EIF3F: variants seen among roughly 807,000 people sequenced by gnomAD.
EIF3F encodes the protein deubiquitinating enzyme eIF3f.
In EIF3F, 8 loss-of-function variants were observed where a neutral mutation model predicts 36.0. The observed-to-expected ratio is 0.22, with a 90% CI of 0.13 to 0.40. The LOEUF (loss-of-function observed/expected upper bound fraction) is 0.40, where lower values mean the gene tolerates loss of function less well. Ranked by LOEUF, EIF3F falls within the 10% of genes least tolerant of loss-of-function variation. The probability of loss-of-function intolerance (pLI) is 1.00; values close to 1 mark genes in which losing one functional copy is unlikely to be tolerated. For synonymous variants in EIF3F, 184 were observed against 188.5 expected, an observed-to-expected ratio of 0.98 and a Z score of 0.19; for missense variants, 430 against 467.6, an observed-to-expected ratio of 0.92 and a Z score of 0.74.
At chr11:7,994,169 C>T (rs569113336) in intron 4 of EIF3F, among the ~76,000 whole-genome samples, 66 of 152,230 alleles carry the variant, frequency 4.3e-4, no homozygotes, top group African/African-American at 1.6e-3. Flanking sequence ...GACACTGCAC[C>T]GTGTGTGAAG....
chr11:7,989,818 C>G (rs1458224998), intron 1 of EIF3F, among the ~76,000 whole-genome samples: 1 of 152,216 alleles, frequency 6.6e-6, no homozygotes, highest in East Asian at 1.9e-4. Context: ...GGTAAATCCA[C>G]TGTCTGAAAC....
chr11:7,987,401 C>A lies in EIF3F; in HGVS notation c.49C>A (p.Pro17Thr), dbSNP rs750034387. 1.2e-6 allele frequency: 2 copies of A among 1,600,628 alleles called. No individual in the cohort carries two copies. The highest frequency in any genetic ancestry group is 2.2e-5 in the East Asian group (1 of 44,810). ...AAGTGCTCCTCCGGCCACGCCAACC[C>A]CAGTCCCGGCGGCGGCCCCAGCCTC... is the stretch of plus-strand genomic sequence containing the variant. ...PVSAPPATPTPVPAAAPASVP... is the reference protein window; with the variant it reads ...PVSAPPATPTTVPAAAPASVP... Residue 17 changes from proline to threonine, a missense_variant, in exon 1 of 8, where the codon CCA (proline) becomes ACA (threonine). Around this residue, in one of 2 missense-constraint regions of EIF3F, gnomAD observed 168 missense variants for 120.2 expected, o/e 1.40. Coordinates refer to ENST00000651655, the MANE Select transcript of EIF3F (RefSeq NM_003754.3).
At position 7,998,445 on chromosome 11, in the gene EIF3F, A is replaced by C. The variant is rs1942186765; in HGVS notation, c.*2423A>C. The C allele has an allele frequency of 6.6e-6, 1 of 152,368 alleles. No individual in the cohort carries two copies. The highest frequency in any genetic ancestry group is 1.9e-4 in the East Asian group (1 of 5,188). 9.4% of individuals were successfully genotyped at this position (152,368 alleles called of 1,614,324 possible). On this transcript the variant is annotated 3_prime_UTR_variant, in exon 8 of 8. Transcript: ENST00000651655. ...GGGGTCACTTTAAGCAGCAAAATCC[A>C]CAAAAATGCAAAAGACATGGCACTA...
chr11:7,995,626 A>G lies in EIF3F; in HGVS notation c.996+259A>G. ...GACTTACTGTCTAAATTCGTGATGG[A>G]AAGAAACACTAAAATTCAGAGGTTA... On this transcript the variant is annotated intron_variant, in intron 7 of 7. Transcript: ENST00000651655. The G allele has an allele frequency of 6.9e-6, 4 of 583,400 alleles. 1 individual carries two copies. In the South Asian group the frequency reaches 8.4e-5, roughly 12 times the overall value. 36.1% of individuals were successfully genotyped at this position (583,400 alleles called of 1,614,324 possible). A position where few individuals can be genotyped will look rare whatever the true frequency, so the allele number is the denominator to read the frequency against.
In EIF3F at chr11:7,999,687, G is replaced by A. The variant is rs1460096051; in HGVS notation, c.*3665G>A. On this transcript the variant is annotated 3_prime_UTR_variant, in exon 8 of 8. Coordinates refer to ENST00000651655, the MANE Select transcript of EIF3F (RefSeq NM_003754.3). ...AAAATGCAAGCGTTGGTGAGGGTAT[G>A]GAGAAAAGGGAACCCTTTTACACTT... 1.3e-5 allele frequency: 2 copies of A among 152,188 alleles called. No homozygotes were observed. Among genetic ancestry groups the A allele is most frequent in the Admixed American group, 1.3e-4 (2 of 15,282 alleles). 9.4% of individuals were successfully genotyped at this position (152,188 alleles called of 1,614,324 possible).
chr11:7,987,853 T>G, intron 1 of EIF3F, 137 bp downstream of exon 1: 1 of 1,259,502 alleles, frequency 7.9e-7, no homozygotes, highest in Non-Finnish European at 1.0e-6. Context: ...TTAATCTATA[T>G]CTGCATCCTA....
At position 7,990,559 on chromosome 11, in the gene EIF3F, G is replaced by A. The variant is rs569833788; in HGVS notation, c.365-1222G>A. The stretch of plus-strand genomic sequence containing the variant: ...CAGGAAGAAGTAGCCAACAAGATTA[G>A]AAAGGTAGGAAGAAAACTAGAAGGA... On this transcript the variant is annotated intron_variant, in intron 1 of 7. Transcript: ENST00000651655. 6.6e-5 allele frequency among the ~76,000 whole-genome samples: 10 copies of A among 152,322 alleles called. No individual in the cohort carries two copies. In the South Asian group the frequency reaches 1.7e-3, roughly 25 times the overall value.
At chr11:7,993,048 G>GGGCATAAAACCATGCCCAGATGCCATCC (rs1942115490) in intron 4 of EIF3F, 24 bp downstream of exon 4, 1 of 1,557,970 alleles carries the variant, frequency 6.4e-7, no homozygotes, top group African/African-American at 1.4e-5. Flanking sequence ...TGGGCTACAA[G>GGGCATAAAACCATGCCCAGATGCCATCC]GGCATAAAAC....
rs935276610 is a variant in EIF3F, at chr11:7,998,746, CAAT to C, written c.*2728_*2730del. 2 of 151,752 alleles carry C rather than the reference CAAT, an allele frequency of 1.3e-5. No individual in the cohort carries two copies. The highest frequency in any genetic ancestry group is 1.5e-5 in the Non-Finnish European group (1 of 67,962). 9.4% of individuals were successfully genotyped at this position (151,752 alleles called of 1,614,324 possible). A position where few individuals can be genotyped will look rare whatever the true frequency, so the allele number is the denominator to read the frequency against. On this transcript the variant is annotated 3_prime_UTR_variant, in exon 8 of 8. Coordinates refer to ENST00000651655, the MANE Select transcript of EIF3F (RefSeq NM_003754.3). The stretch of plus-strand genomic sequence containing the variant: ...AAAACAAAAGAATGATAAAAATTCC[CAAT>C]AATGTTTACTTTGGTGGTGAGAAGA...
At position 7,996,986 on chromosome 11, in the gene EIF3F, C is replaced by T. The variant is rs1942167434; in HGVS notation, c.*964C>T. 6.6e-6 allele frequency: 1 copy of T among 152,112 alleles called. No individual in the cohort carries two copies. Among genetic ancestry groups the T allele is most frequent in the African/African-American group, 2.4e-5 (1 of 41,410 alleles). The allele number at this position is 152,112 out of a possible 1,614,324, so 9.4% of individuals were successfully genotyped here. A position where few individuals can be genotyped will look rare whatever the true frequency, so the allele number is the denominator to read the frequency against. ...TTAATAAATGTCAGGTTAATCAACACTTGTGGAGAATATCACCTGGTATGT... is the reference window on the plus strand; with the variant it reads ...TTAATAAATGTCAGGTTAATCAACATTTGTGGAGAATATCACCTGGTATGT... On this transcript the variant is annotated 3_prime_UTR_variant, in exon 8 of 8. Coordinates refer to ENST00000651655, the MANE Select transcript of EIF3F (RefSeq NM_003754.3).
chr11:7,987,975 T>A (rs1371921503), intron 1 of EIF3F: 5 of 404,894 alleles, frequency 1.2e-5, no homozygotes, highest in Non-Finnish European at 2.0e-5. Context: ...TGTCATTTAC[T>A]GAATATTTTA....
intron 1 of EIF3F, among the ~76,000 whole-genome samples, chr11:7,988,935 A>G (rs1942059064): frequency 6.6e-6 from 1 of 152,160 alleles, no homozygotes. Flanking sequence ...TCTCTCCTTT[A>G]TCTATCTTTG....
Position 7,987,386 on chromosome 11 carries a change from C to A in EIF3F, c.34C>A (p.Pro12Thr). The change falls in exon 1 of 8, where the codon CCG becomes ACG. Residue 12 changes from proline to threonine, a missense_variant. Pro to Thr is a conservative substitution (Grantham distance 38, BLOSUM62 -1). This residue lies in a region of EIF3F where 168 missense variants were observed against 120.2 expected (regional missense o/e 1.40). Transcript: ENST00000651655. ...ATPAVPVSAP[P>T]ATPTPVPAAA... The stretch of plus-strand genomic sequence containing the variant: ...ACCGGCGGTACCAGTAAGTGCTCCT[C>A]CGGCCACGCCAACCCCAGTCCCGGC... The A allele has an allele frequency of 6.3e-7, 1 of 1,599,046 alleles. No individual in the cohort carries two copies. The highest frequency in any genetic ancestry group is 1.3e-5 in the African/African-American group (1 of 74,966).
intron 4 of EIF3F, 73 bp from the exon 5 acceptor site, chr11:7,994,353 C>A: frequency 7.5e-7 from 1 of 1,339,032 alleles, no homozygotes; most frequent in Non-Finnish European, 1.0e-6. Context: ...GCTGTATCTG[C>A]TTTCTCAGCC....
At position 7,997,205 on chromosome 11, in the gene EIF3F, T is replaced by C. The variant is rs773136466; in HGVS notation, c.*1183T>C. 6.6e-6 allele frequency: 1 copy of C among 152,200 alleles called. No individual in the cohort carries two copies. The highest frequency in any genetic ancestry group is 2.4e-5 in the African/African-American group (1 of 41,440). 9.4% of individuals were successfully genotyped at this position (152,200 alleles called of 1,614,324 possible). A position where few individuals can be genotyped will look rare whatever the true frequency, so the allele number is the denominator to read the frequency against. The stretch of plus-strand genomic sequence containing the variant: ...GGTAGGGAAATGTAAACAGATCTTA[T>C]CGGCAAAATGATAATGACAGGCCAA... On this transcript the variant is annotated 3_prime_UTR_variant, in exon 8 of 8. Transcript: ENST00000651655.
At chr11:7,991,910 C>G (rs915869017) in intron 2 of EIF3F, 59 bp downstream of exon 2, 1 of 1,581,216 alleles carries the variant, frequency 6.3e-7, no homozygotes, top group South Asian at 1.1e-5. Flanking sequence ...GCTCGGCTCC[C>G]CTCACGGTCC....
At position 7,994,453 on chromosome 11, in the gene EIF3F, C is replaced by G. The variant is rs200510904; in HGVS notation, c.681C>G (p.Thr227=). 4.1e-5 allele frequency: 66 copies of G among 1,613,912 alleles called. No individual in the cohort carries two copies. The highest frequency in any genetic ancestry group is 6.7e-5 in the Admixed American group (4 of 59,996). The change falls in exon 5 of 8, where the codon ACC becomes ACG. Residue 227 remains threonine (T), a synonymous_variant. Coordinates refer to ENST00000651655, the MANE Select transcript of EIF3F (RefSeq NM_003754.3). ...VSTLMGVPGR[T]MGVMFTPLTV... is the part of the protein sequence containing the mutation. ...CTTTAATGGGAGTCCCTGGGAGGAC[C>G]ATGGGAGTGATGTTCACGCCTCTGA...
intron 1 of EIF3F, among the ~76,000 whole-genome samples, chr11:7,988,379 A>G (rs1226786948): frequency 1.3e-5 from 2 of 152,302 alleles, no homozygotes; most frequent in East Asian, 1.9e-4. Context: ...CCCATTTTGC[A>G]TTTGGACGCA....
rs192330846 is a variant in EIF3F at position 7,992,033 on chromosome 11, T to C, written c.436-51T>C. The C allele has an allele frequency of 1.4e-5, 23 of 1,594,800 alleles. No individual in the cohort carries two copies. In the African/African-American group the frequency reaches 2.8e-4, roughly 20 times the overall value. On this transcript the variant is annotated intron_variant, in intron 2 of 7. Coordinates refer to ENST00000651655, the MANE Select transcript of EIF3F (RefSeq NM_003754.3). Reference sequence around the variant, plus strand: ...TGGCCTCTTGTCCTTTTTAACCAATTTTTCTTTGGACTTCTGGCTTCTTAG... The same window carrying C: ...TGGCCTCTTGTCCTTTTTAACCAATCTTTCTTTGGACTTCTGGCTTCTTAG...
Sources: gnomAD v4.1 joint callset for allele counts (sites outside exome capture counted in the v4.1 genomes callset) on GRCh38, gnomAD v4.1.1 for gene constraint, gnomAD v4.1.1 regional missense constraint, MANE v1.5 for transcripts, NCBI Gene and HGNC (gene_info 2026-07-23, HGNC 2026-07-21) for gene names.